TRIM58: variants seen among roughly 807,000 people sequenced by gnomAD.
TRIM58 encodes E3 ubiquitin-protein ligase TRIM58.
In TRIM58, 38 loss-of-function variants were observed where a neutral mutation model predicts 34.1. The ratio of observed to expected loss-of-function variants is 1.12; its 90% CI spans 0.86 to 1.46. The LOEUF is 1.46. Among genes scored for constraint, TRIM58 ranks in the 40% most tolerant of loss-of-function variants. The probability of loss-of-function intolerance (pLI) is 0.00; values close to 1 mark genes in which losing one functional copy is unlikely to be tolerated. For synonymous variants in TRIM58, 273 were observed against 275.7 expected, an observed-to-expected ratio of 0.99 and a Z score of 0.10; for missense variants, 677 against 642.0, an observed-to-expected ratio of 1.05 and a Z score of -0.59.
Position 247,864,713 on chromosome 1 carries a change from G to A in TRIM58, c.525G>A (p.Val175=), listed in dbSNP as rs542009955. 1.2e-6 allele frequency: 2 copies of A among 1,613,928 alleles called. No homozygotes were observed. Among genetic ancestry groups the A allele is most frequent in the African/African-American group, 1.3e-5 (1 of 74,906 alleles). ...CCACGGTGTCACCTCAGGAGAAAGT[G>A]GAAATGCAGAGGCAGCGCTTCAGAT... The part of the protein sequence containing the change: ...GKKTVIWKEK[V]EMQRQRFRLE... Residue 175 remains valine, a synonymous_variant, in exon 3 of 6, where the codon GTG becomes GTA. Transcript: ENST00000366481.
At chr1:247,869,264 G>A (rs1259176142) in intron 5 of TRIM58, among the ~76,000 whole-genome samples, 1 of 152,124 alleles carries the variant, frequency 6.6e-6, no homozygotes, top group Non-Finnish European at 1.5e-5. Context: ...TAGATCATAG[G>A]CCATTGGTTT....
chr1:247,876,127 C>G lies in TRIM58; in HGVS notation c.1099C>G (p.Leu367Val). ...EWGLGVCQDT[L>V]PRKGETTPSP... ...GGGTTTAGGGGTCTGTCAAGACACA[C>G]TGCCAAGAAAGGGGGAAACCACGCC... The change falls in exon 6 of 6, where the codon CTG becomes GTG. Residue 367 changes from leucine to valine, a missense_variant. Transcript: ENST00000366481. 6.2e-7 allele frequency: 1 copy of G among 1,614,090 alleles called. No homozygotes were observed. The highest frequency in any genetic ancestry group is 8.5e-7 in the Non-Finnish European group (1 of 1,180,010).
chr1:247,868,412 C>T (rs2103329281), intron 5 of TRIM58, among the ~76,000 whole-genome samples: 1 of 152,224 alleles, frequency 6.6e-6, no homozygotes, highest in Middle Eastern at 3.4e-3. Flanking sequence ...AGTTCTCTTC[C>T]AGAGTCAATA....
intron 2 of TRIM58, among the ~76,000 whole-genome samples, chr1:247,863,961 TC>T (rs1182842107): frequency 6.6e-6 from 1 of 152,214 alleles, no homozygotes; most frequent in African/African-American, 2.4e-5. Flanking sequence ...GAAACAGCAT[TC>T]ATATTTTCTC....
chr1:247,876,329 A>G lies in TRIM58; in HGVS notation c.1301A>G (p.Tyr434Cys), dbSNP rs756553125. 1.9e-6 allele frequency: 3 copies of G among 1,614,210 alleles called. No homozygotes were observed. The highest frequency in any genetic ancestry group is 1.7e-6 in the Non-Finnish European group (2 of 1,180,044). ...FYNVTDGSYI[Y>C]TFNQLFSGLL... ...AATGTCACAGATGGATCTTATATCT[A>G]CACATTCAACCAACTCTTCTCTGGT... Residue 434 changes from tyrosine to cysteine, a missense_variant, in exon 6 of 6, where the codon TAC becomes TGC. By Grantham distance (194) the Tyr-to-Cys change is radical. Transcript: ENST00000366481.
rs531794267 is a variant in TRIM58, at chr1:247,874,444, C to T, written c.872-1456C>T. On this transcript the variant is annotated intron_variant, in intron 5 of 5. Coordinates refer to ENST00000366481, the MANE Select transcript of TRIM58 (RefSeq NM_015431.4). ...CATGATCCAGCACCCCCCACTAGGC[C>T]CCACCTTCAACATTGGGAATCACAT... 3.3e-5 allele frequency among the ~76,000 whole-genome samples: 5 copies of T among 152,234 alleles called. No homozygotes were observed. In the South Asian group the frequency reaches 8.3e-4, roughly 25 times the overall value.
chr1:247,861,126 C>T lies in TRIM58; in HGVS notation c.516+414C>T, dbSNP rs145138138. 1.3e-4 allele frequency among the ~76,000 whole-genome samples: 20 copies of T among 152,276 alleles called. No individual in the cohort carries two copies. The Middle Eastern group carries it at 0.01, about 78-fold the overall frequency. On this transcript the variant is annotated intron_variant, in intron 2 of 5. Coordinates refer to ENST00000366481, the MANE Select transcript of TRIM58 (RefSeq NM_015431.4). ...CTTATATACAGGGTAATAATCTGAA[C>T]GTTTAGCCTTTTTTTTCTATCATCT...
chr1:247,875,759 G>A (rs779356917), intron 5 of TRIM58, 141 bp from the exon 6 acceptor site: 6 of 645,380 alleles, frequency 9.3e-6, no homozygotes, highest in Non-Finnish European at 1.5e-5. Flanking sequence ...TCACCTGTAA[G>A]GTGAAATACT....
intron 5 of TRIM58, among the ~76,000 whole-genome samples, chr1:247,871,054 A>G (rs1211589083): frequency 2.6e-5 from 4 of 152,164 alleles, no homozygotes; most frequent in African/African-American, 7.2e-5. Flanking sequence ...CATGAGCAGT[A>G]TCAGAGTCAC....
At chr1:247,859,491 T>G (rs1663728879) in intron 1 of TRIM58, among the ~76,000 whole-genome samples, 1 of 152,178 alleles carries the variant, frequency 6.6e-6, no homozygotes, top group African/African-American at 2.4e-5. Context: ...ATTTTTTAAT[T>G]AAAATCCTGT....
chr1:247,869,047 A>C (rs1441836056), intron 5 of TRIM58, among the ~76,000 whole-genome samples: 2 of 152,202 alleles, frequency 1.3e-5, no homozygotes, highest in Admixed American at 6.5e-5. Flanking sequence ...TTACAGGCAC[A>C]TGCCACCATG....
intron 1 of TRIM58, 111 bp downstream of exon 1, chr1:247,857,777 CTCCCCCCACCGCGCGCCG>C: frequency 8.4e-7 from 1 of 1,184,948 alleles, no homozygotes; most frequent in Non-Finnish European, 1.0e-6. Flanking sequence ...CCCACGGCCG[CTCCCCCCACCGCGCGCCG>C]TCCCCCCCGC....
rs918738588 is a variant in TRIM58, at chr1:247,879,733, G to A, written c.*3244G>A. 6.6e-6 allele frequency among the ~76,000 whole-genome samples: 1 copy of A among 150,900 alleles called. No homozygotes were observed. Among genetic ancestry groups the A allele is most frequent in the Non-Finnish European group, 1.5e-5 (1 of 67,858 alleles). ...CTTCCCATCACAGGGCCATTTCCCC[G>A]CCTGTGGCTTCTGCTTGACATTCCC... On this transcript the variant is annotated 3_prime_UTR_variant, in exon 6 of 6. Transcript: ENST00000366481.
chr1:247,861,741 T>A (rs1356509046), intron 2 of TRIM58, among the ~76,000 whole-genome samples: 2 of 152,160 alleles, frequency 1.3e-5, no homozygotes, highest in Non-Finnish European at 2.9e-5. Context: ...AAAGACTTTT[T>A]AAACTATATT....
chr1:247,868,708 A>G (rs1663988839), intron 5 of TRIM58, among the ~76,000 whole-genome samples: 1 of 152,140 alleles, frequency 6.6e-6, no homozygotes, highest in South Asian at 2.1e-4. Flanking sequence ...ATTTCCTGAA[A>G]CAGCTGACAA....
At chr1:247,858,845 C>G (rs1042885019) in intron 1 of TRIM58, among the ~76,000 whole-genome samples, 2 of 148,988 alleles carry the variant, frequency 1.3e-5, no homozygotes, top group Admixed American at 1.4e-4. Flanking sequence ...ATTGCAACCT[C>G]CGTCTCCCGG....
intron 3 of TRIM58, 124 bp downstream of exon 3, chr1:247,865,059 A>G (rs1158693534): frequency 1.1e-6 from 1 of 880,278 alleles, no homozygotes; most frequent in Admixed American, 2.9e-5. Context: ...CCTCAAATTT[A>G]CTCAGAAGGC....
At chr1:247,860,139 A>G (rs1663751885) in intron 1 of TRIM58, among the ~76,000 whole-genome samples, 1 of 152,196 alleles carries the variant, frequency 6.6e-6, no homozygotes, top group Non-Finnish European at 1.5e-5. Flanking sequence ...GCATACTTTT[A>G]GATAAATATT....
intron 1 of TRIM58, 38 bp from the exon 2 acceptor site, chr1:247,860,579 T>C (rs1048568749): frequency 6.8e-7 from 1 of 1,465,886 alleles, no homozygotes; most frequent in African/African-American, 1.4e-5. Context: ...TAGGTACAGA[T>C]TGAGGGCATC....
Sources: gnomAD v4.1 joint callset for allele counts (sites outside exome capture counted in the v4.1 genomes callset) on GRCh38, gnomAD v4.1.1 for gene constraint, MANE v1.5 for transcripts, NCBI Gene and HGNC (gene_info 2026-07-23, HGNC 2026-07-21) for gene names.